The following GALNTL6 variants were observed in gnomAD, a reference collection of about 807,000 sequenced individuals.
GALNTL6 encodes the protein polypeptide N-acetylgalactosaminyltransferase like 6.
A neutral mutation model predicts 73.7 loss-of-function variants in GALNTL6; 46 were observed. The observed-to-expected ratio is 0.62, with a 90% confidence interval of 0.49 to 0.80. The LOEUF (loss-of-function observed/expected upper bound fraction) is 0.80. Ranked by LOEUF, GALNTL6 falls within the 30% of genes least tolerant of loss-of-function variation. The pLI, the probability that GALNTL6 is intolerant of heterozygous loss-of-function variation, is 0.00. For synonymous variants in GALNTL6, 259 were observed against 263.7 expected (o/e 0.98, Z 0.17); for missense variants, 604 against 755.0 (o/e 0.80, Z 2.34).
rs566922480 is a variant in GALNTL6 at position 172,403,297 on chromosome 4, A to G, written c.553+54608A>G. On this transcript the variant is annotated intron_variant, in intron 5 of 12. Coordinates refer to ENST00000506823, the MANE Select transcript of GALNTL6 (RefSeq NM_001034845.3). ...TTACACTGATTCTGAAATTTTAGCA[A>G]AGAGTTATATAACCCATACATCTTA... Among the ~76,000 whole-genome samples the G allele has an allele frequency of 7.9e-5, 12 of 152,156 alleles. No individual in the cohort carries two copies. In the East Asian group the frequency reaches 2.3e-3, roughly 29 times the overall value.
At chr4:172,023,451 A>C (rs575316953) in intron 2 of GALNTL6, among the ~76,000 whole-genome samples, 1 of 152,084 alleles carries the variant, frequency 6.6e-6, no homozygotes, top group East Asian at 1.9e-4. Flanking sequence ...TAAGTCAAAC[A>C]AAAAGAACTA....
At position 172,645,907 on chromosome 4, in the gene GALNTL6, T is replaced by C. The variant is rs533945511; in HGVS notation, c.554-163454T>C. ...AGATTATTCCCTAAGTCTCTGAGTC[T>C]TCAGAGATAAGGATATTCCTTTCTC... On this transcript the variant is annotated intron_variant, in intron 5 of 12. Transcript: ENST00000506823. Among the ~76,000 whole-genome samples, 254 of 152,042 alleles carry C rather than the reference T, an allele frequency of 1.7e-3. 2 individuals are homozygous for C. Among genetic ancestry groups the C allele is most frequent in the African/African-American group, 5.8e-3 (241 of 41,528 alleles).
chr4:172,464,158 C>G (rs184737778), intron 5 of GALNTL6, among the ~76,000 whole-genome samples: 98 of 152,192 alleles, frequency 6.4e-4, no homozygotes, highest in African/African-American at 2.2e-3. Context: ...ACCTTGGTCT[C>G]CCAAAGCGTT....
intron 4 of GALNTL6, among the ~76,000 whole-genome samples, chr4:172,338,330 A>T (rs1158558055): frequency 6.8e-6 from 1 of 147,756 alleles, no homozygotes; most frequent in Non-Finnish European, 1.5e-5. Flanking sequence ...CAATGTTCAG[A>T]TTTTTTTTTT....
chr4:172,850,631 G>T (rs1169932518), intron 7 of GALNTL6, among the ~76,000 whole-genome samples: 1 of 152,074 alleles, frequency 6.6e-6, no homozygotes, highest in African/African-American at 2.4e-5. Flanking sequence ...GATAGCACCA[G>T]ATCCAACAGG....
intron 4 of GALNTL6, among the ~76,000 whole-genome samples, chr4:172,333,513 C>T (rs1032039275): frequency 6.6e-6 from 1 of 152,094 alleles, no homozygotes; most frequent in East Asian, 1.9e-4. Flanking sequence ...GAGTTGAGTT[C>T]CTTTTATATT....
intron 2 of GALNTL6, among the ~76,000 whole-genome samples, chr4:172,065,094 A>G (rs1163336404): frequency 6.6e-6 from 1 of 152,028 alleles, no homozygotes; most frequent in Non-Finnish European, 1.5e-5. Flanking sequence ...TTTTAGTCCC[A>G]CTATATCAGC....
At chr4:171,990,451 G>A (rs969144561) in intron 2 of GALNTL6, among the ~76,000 whole-genome samples, 1 of 151,860 alleles carries the variant, frequency 6.6e-6, no homozygotes. Flanking sequence ...CCAAACAGTG[G>A]GTTTCAGAGG....
chr4:171,981,063 C>A (rs1247757688), intron 2 of GALNTL6, among the ~76,000 whole-genome samples: 1 of 152,072 alleles, frequency 6.6e-6, no homozygotes, highest in Non-Finnish European at 1.5e-5. Context: ...GTTTATTTTG[C>A]CAAGGTTTAG....
At chr4:172,315,709 A>G (rs913884369) in intron 4 of GALNTL6, among the ~76,000 whole-genome samples, 2 of 151,840 alleles carry the variant, frequency 1.3e-5, no homozygotes, top group Admixed American at 6.6e-5. Context: ...ATTTAATGCA[A>G]TGTTGAAAAG....
chr4:172,022,249 T>A (rs559456147), intron 2 of GALNTL6, among the ~76,000 whole-genome samples: 19 of 152,138 alleles, frequency 1.2e-4, no homozygotes, highest in Non-Finnish European at 2.4e-4. Flanking sequence ...GTACTATTTA[T>A]CCCATTTCTC....
At chr4:172,491,838 ATGATGATGGCAT>A (rs1324675630) in intron 5 of GALNTL6, among the ~76,000 whole-genome samples, 1 of 152,216 alleles carries the variant, frequency 6.6e-6, no homozygotes, top group Non-Finnish European at 1.5e-5. Context: ...CAGAGGCAAT[ATGATGATGGCAT>A]TGGTGTTCCT....
intron 5 of GALNTL6, among the ~76,000 whole-genome samples, chr4:172,521,792 G>A (rs552085979): frequency 6.6e-6 from 1 of 152,270 alleles, no homozygotes; most frequent in Non-Finnish European, 1.5e-5. Context: ...ACAATGGAAT[G>A]CTTCATTTTA....
chr4:172,359,430 AT>A (rs1162796678), intron 5 of GALNTL6, among the ~76,000 whole-genome samples: 2 of 152,180 alleles, frequency 1.3e-5, no homozygotes, highest in African/African-American at 4.8e-5. Context: ...GGGTGATGAA[AT>A]AATCTGTACA....
intron 12 of GALNTL6, among the ~76,000 whole-genome samples, chr4:173,036,847 A>C (rs1206337262): frequency 1.3e-5 from 2 of 152,198 alleles, no homozygotes; most frequent in Non-Finnish European, 1.5e-5. Flanking sequence ...CACAAAAAAA[A>C]CTGTGTTCAG....
Position 172,737,204 on chromosome 4 carries a change from C to T in GALNTL6, c.554-72157C>T, listed in dbSNP as rs192998063. ...TAGTTTCTTTGAATAGGCTTTCTAC[C>T]CATTGCTCTTGCTCAGCTCCCTCTT... is the stretch of plus-strand genomic sequence containing the variant. On this transcript the variant is annotated intron_variant, in intron 5 of 12. Transcript: ENST00000506823. 3.0e-3 allele frequency among the ~76,000 whole-genome samples: 454 copies of T among 152,232 alleles called. 2 individuals are homozygous for T. Among genetic ancestry groups the T allele is most frequent in the Middle Eastern group, 6.8e-3 (2 of 294 alleles).
At chr4:172,470,419 G>T (rs998453007) in intron 5 of GALNTL6, among the ~76,000 whole-genome samples, 1 of 152,122 alleles carries the variant, frequency 6.6e-6, no homozygotes, top group Admixed American at 6.5e-5. Flanking sequence ...ATCATAATGT[G>T]TATTTTATAC....
chr4:172,077,315 G>A (rs534470838), intron 2 of GALNTL6, among the ~76,000 whole-genome samples: 58 of 152,114 alleles, frequency 3.8e-4, no homozygotes, highest in African/African-American at 1.3e-3. Context: ...TAGAAAAGCC[G>A]GGCACTTTCT....
intron 2 of GALNTL6, among the ~76,000 whole-genome samples, chr4:171,982,549 C>A (rs1315466480): frequency 6.6e-6 from 1 of 152,134 alleles, no homozygotes; most frequent in African/African-American, 2.4e-5. Context: ...TCGCCCGCCT[C>A]AGCCTCCCAA....
Sources: gnomAD v4.1 joint callset for allele counts (sites outside exome capture counted in the v4.1 genomes callset) on GRCh38, gnomAD v4.1.1 for gene constraint, MANE v1.5 for transcripts, NCBI Gene and HGNC (gene_info 2026-07-23, HGNC 2026-07-21) for gene names.